Variants in SESTD1 observed in about 807,000 individuals in gnomAD.
The protein encoded by SESTD1 is SEC14 domain and spectrin repeat-containing protein 1.
Under a neutral mutation model 101.7 loss-of-function variants are expected in SESTD1, and 43 were observed. The observed-to-expected ratio is 0.42, with a 90% CI of 0.33 to 0.55. SESTD1 has a LOEUF of 0.55. Among genes scored for constraint, SESTD1 ranks in the 20% least tolerant of loss-of-function variants. The pLI is 0.07. For synonymous variants in SESTD1, 283 were observed against 286.8 expected, an observed-to-expected ratio of 0.99 and a Z score of 0.13; for missense variants, 647 against 815.1, an observed-to-expected ratio of 0.79 and a Z score of 2.51.
intron 4 of SESTD1, 74 bp from the exon 5 acceptor site, chr2:179,172,307 ACAGT>A (rs1454195289): frequency 1.1e-5 from 11 of 1,021,534 alleles, no homozygotes; most frequent in Non-Finnish European, 1.4e-5. Context: ...AAATTACCAG[ACAGT>A]CAAGATTATG....
intron 1 of SESTD1, among the ~76,000 whole-genome samples, chr2:179,242,960 TTAAAC>T (rs1266475016): frequency 1.3e-5 from 2 of 152,118 alleles, no homozygotes; most frequent in African/African-American, 4.8e-5. Flanking sequence ...TGGTACCTAA[TTAAAC>T]TAAAGAGCTT....
At chr2:179,160,693 A>G (rs953767285) in intron 5 of SESTD1, among the ~76,000 whole-genome samples, 2 of 152,154 alleles carry the variant, frequency 1.3e-5, no homozygotes, top group Admixed American at 6.5e-5. Context: ...AAAATATTTA[A>G]AAGAGTAAAT....
At chr2:179,247,975 C>T (rs2047258211) in intron 1 of SESTD1, among the ~76,000 whole-genome samples, 1 of 151,714 alleles carries the variant, frequency 6.6e-6, no homozygotes, top group Non-Finnish European at 1.5e-5. Context: ...TAAATGCATA[C>T]ATTAGAAAAG....
At chr2:179,195,547 G>T (rs939595522) in intron 1 of SESTD1, among the ~76,000 whole-genome samples, 3 of 152,108 alleles carry the variant, frequency 2.0e-5, no homozygotes, top group African/African-American at 7.2e-5. Context: ...ATACTTCAGG[G>T]GTTTAAAATA....
In SESTD1 at chr2:179,156,120, A is replaced by ATATG. The variant is rs1553519684; in HGVS notation, c.370-4730_370-4729insCATA. On this transcript the variant is annotated intron_variant, in intron 5 of 17. Coordinates refer to ENST00000428443, the MANE Select transcript of SESTD1 (RefSeq NM_178123.5). ...TTCCATCATACGTGTATATATATAT[A>ATATG]TGTGTGTATATACGTATATATGTAT... Among the ~76,000 whole-genome samples, 192 of 151,522 alleles carry ATATG rather than the reference A, an allele frequency of 1.3e-3. 1 individual carries two copies. The highest frequency in any genetic ancestry group is 4.4e-3 in the African/African-American group (182 of 41,216).
chr2:179,116,296 TTCACCACA>T (rs1259568983), intron 15 of SESTD1, among the ~76,000 whole-genome samples: 3 of 146,868 alleles, frequency 2.0e-5, no homozygotes, highest in Non-Finnish European at 4.5e-5. Flanking sequence ...AAAGACACTT[TTCACCACA>T]AAAAAGTTCT....
chr2:179,215,503 C>A lies in SESTD1; in HGVS notation c.-25-23637G>T, dbSNP rs2105521104. Among the ~76,000 whole-genome samples the A allele has an allele frequency of 1.5e-5, 2 of 133,330 alleles. 1 individual carries two copies. The highest frequency in any genetic ancestry group is 5.9e-5 in the African/African-American group (2 of 33,636). 87.5% of individuals were successfully genotyped at this position (133,330 alleles called of 152,430 possible). Reference sequence around the variant, plus strand: ...TGAAATTGAGGCAATAATTAATACCCTACCAACCAAAAAAAAGTCCAGGAC... The same window carrying A: ...TGAAATTGAGGCAATAATTAATACCATACCAACCAAAAAAAAGTCCAGGAC... On this transcript the variant is annotated intron_variant, in intron 1 of 17. Coordinates refer to ENST00000428443, the MANE Select transcript of SESTD1 (RefSeq NM_178123.5).
chr2:179,251,033 T>C (rs1323658279), intron 1 of SESTD1, among the ~76,000 whole-genome samples: 1 of 152,182 alleles, frequency 6.6e-6, no homozygotes, highest in East Asian at 1.9e-4. Flanking sequence ...CTAGATATCC[T>C]TCAATGGGTG....
In SESTD1 at chr2:179,118,787, T is replaced by A. The variant is rs531278653; in HGVS notation, c.1443-1174A>T. 1.0e-3 allele frequency among the ~76,000 whole-genome samples: 156 copies of A among 152,334 alleles called. 4 individuals are homozygous for A. The South Asian group carries it at 0.032, about 31-fold the overall frequency. ...TAAGATATGGTCTCTACTATCAAGATGCTCCCATTTGCAGAGATGTTATAA... is the reference window on the plus strand; with the variant it reads ...TAAGATATGGTCTCTACTATCAAGAAGCTCCCATTTGCAGAGATGTTATAA... On this transcript the variant is annotated intron_variant, in intron 13 of 17. Transcript: ENST00000428443.
intron 2 of SESTD1, among the ~76,000 whole-genome samples, chr2:179,185,008 A>G (rs150049095): frequency 2.0e-5 from 3 of 152,288 alleles, no homozygotes; most frequent in African/African-American, 7.2e-5. Flanking sequence ...GCATCACAAG[A>G]TGCAAAAATG....
At chr2:179,114,779 G>A (rs879831810) in intron 16 of SESTD1, among the ~76,000 whole-genome samples, 7 of 152,210 alleles carry the variant, frequency 4.6e-5, no homozygotes, top group Admixed American at 2.6e-4. Flanking sequence ...AGAACAGAGG[G>A]CATATTCTGG....
In SESTD1 at chr2:179,204,223, G is replaced by C. The variant is rs1015564489; in HGVS notation, c.-25-12357C>G. Among the ~76,000 whole-genome samples the C allele has an allele frequency of 3.0e-5, 4 of 134,516 alleles. 2 individuals are homozygous for C. The highest frequency in any genetic ancestry group is 6.4e-5 in the Non-Finnish European group (4 of 62,736). 88.2% of individuals were successfully genotyped at this position (134,516 alleles called of 152,430 possible). A position where few individuals can be genotyped will look rare whatever the true frequency, so the allele number is the denominator to read the frequency against. On this transcript the variant is annotated intron_variant, in intron 1 of 17. Transcript: ENST00000428443. Reference sequence around the variant, plus strand: ...CAGACCAAGAGAGACACTAAAATGAGACCACAATCATGCCCTACTCCACGT... The same window carrying C: ...CAGACCAAGAGAGACACTAAAATGACACCACAATCATGCCCTACTCCACGT...
chr2:179,142,809 C>T (rs528220643), intron 9 of SESTD1, among the ~76,000 whole-genome samples: 2 of 152,244 alleles, frequency 1.3e-5, no homozygotes, highest in African/African-American at 2.4e-5. Flanking sequence ...CAGTCATGTC[C>T]TTGTGACCCT....
chr2:179,112,872 A>G (rs2044540888), intron 16 of SESTD1, 27 bp from the exon 17 acceptor site: 2 of 1,596,202 alleles, frequency 1.3e-6, no homozygotes, highest in African/African-American at 1.3e-5. Flanking sequence ...AGCAACATCA[A>G]TCAAGAGACA....
intron 6 of SESTD1, among the ~76,000 whole-genome samples, chr2:179,150,099 C>T (rs937218094): frequency 4.6e-5 from 7 of 152,132 alleles, no homozygotes; most frequent in Admixed American, 2.0e-4. Flanking sequence ...GTGGCATGCA[C>T]TTGCAGTCCC....
At position 179,197,810 on chromosome 2, in the gene SESTD1, C is replaced by T. The variant is rs867687204; in HGVS notation, c.-25-5944G>A. Among the ~76,000 whole-genome samples, 20 of 151,928 alleles carry T rather than the reference C, an allele frequency of 1.3e-4. No individual in the cohort carries two copies. In the South Asian group the frequency reaches 2.7e-3, roughly 21 times the overall value. On this transcript the variant is annotated intron_variant, in intron 1 of 17. Coordinates refer to ENST00000428443, the MANE Select transcript of SESTD1 (RefSeq NM_178123.5). The stretch of plus-strand genomic sequence containing the variant: ...GCCCTAGAAGAGCTCTTGAAGGAAG[C>T]GCTAAACATGGAAAGGAACAACCGG...
At chr2:179,165,992 C>T (rs970071573) in intron 5 of SESTD1, among the ~76,000 whole-genome samples, 2 of 152,160 alleles carry the variant, frequency 1.3e-5, no homozygotes, top group African/African-American at 4.8e-5. Flanking sequence ...AACCAATTAA[C>T]CTGGAATCTA....
At chr2:179,236,748 A>AT (rs2047073862) in intron 1 of SESTD1, among the ~76,000 whole-genome samples, 2 of 116,054 alleles carry the variant, frequency 1.7e-5, no homozygotes, top group African/African-American at 9.0e-5. Context: ...AATCTGATGT[A>AT]GTTTTTTTTT....
At chr2:179,175,661 A>G (rs1014325257) in intron 4 of SESTD1, among the ~76,000 whole-genome samples, 1 of 152,192 alleles carries the variant, frequency 6.6e-6, no homozygotes, top group African/African-American at 2.4e-5. Context: ...AAGCCCTTCT[A>G]CAGAAGGCCA....
Sources: gnomAD v4.1 joint callset for allele counts (sites outside exome capture counted in the v4.1 genomes callset) on GRCh38, gnomAD v4.1.1 for gene constraint, MANE v1.5 for transcripts, NCBI Gene and HGNC (gene_info 2026-07-23, HGNC 2026-07-21) for gene names.